ZNF37A: variants seen among roughly 807,000 people sequenced by gnomAD.
ZNF37A encodes the protein zinc finger protein 37a (KOX 21).
Under a neutral mutation model 12.3 loss-of-function variants are expected in ZNF37A, and 10 were observed. The ratio of observed to expected loss-of-function variants is 0.82; its 90% confidence interval spans 0.50 to 1.38. ZNF37A has a LOEUF of 1.38. Ranked by LOEUF, ZNF37A falls within the 40% of genes most tolerant of loss-of-function variation. The probability of loss-of-function intolerance (pLI) is 0.00; values close to 1 mark genes in which losing one functional copy is unlikely to be tolerated. For missense variants in ZNF37A, 580 were observed against 651.2 expected, an observed-to-expected ratio of 0.89 and a Z score of 1.19; for synonymous variants, 207 against 223.0, an observed-to-expected ratio of 0.93 and a Z score of 0.64.
At chr10:38,109,479 A>G (rs1177717436) in intron 5 of ZNF37A, among the ~76,000 whole-genome samples, 1 of 152,190 alleles carries the variant, frequency 6.6e-6, no homozygotes, top group African/African-American at 2.4e-5. Flanking sequence ...TAGTATTGGA[A>G]GTTCTGGCCA....
downstream of ZNF37A, among the ~76,000 whole-genome samples, chr10:38,129,641 A>G (rs2069991102): frequency 6.6e-6 from 1 of 152,208 alleles, no homozygotes; most frequent in Admixed American, 6.5e-5. Flanking sequence ...AAAGAACTGT[A>G]GCTTCAAAAC....
chr10:38,145,998 G>T (rs1309425771), intron 7 of ZNF37A, among the ~76,000 whole-genome samples: 2 of 152,176 alleles, frequency 1.3e-5, no homozygotes, highest in East Asian at 3.9e-4. Flanking sequence ...TACTCAGGAG[G>T]CTGAGGCAGG....
chr10:38,114,978 G>A, intron 6 of ZNF37A, 97 bp downstream of exon 6: 1 of 1,459,898 alleles, frequency 6.8e-7, no homozygotes, highest in South Asian at 1.4e-5. Context: ...ATAATATTTA[G>A]GTTTGAGATT....
At position 38,114,790 on chromosome 10, in the gene ZNF37A, C is replaced by T. The variant is rs149074366; in HGVS notation, c.51C>T (p.Phe17=). ...CGTTTAGGGATGTGACTGTGGGCTTCACTCAAGAGGAGTGGCAGCATCTGG... is the reference window on the plus strand; with the variant it reads ...CGTTTAGGGATGTGACTGTGGGCTTTACTCAAGAGGAGTGGCAGCATCTGG... ...SVSFRDVTVG[F]TQEEWQHLDP... The change falls in exon 6 of 8, where the codon TTC becomes TTT. Residue 17 remains phenylalanine (F), a synonymous_variant. Coordinates refer to ENST00000685332, the MANE Select transcript of ZNF37A (RefSeq NM_001324250.3). The T allele has an allele frequency of 2.5e-6, 4 of 1,613,870 alleles. No homozygotes were observed. Among genetic ancestry groups the T allele is most frequent in the Non-Finnish European group, 3.4e-6 (4 of 1,180,000 alleles).
intron 7 of ZNF37A, among the ~76,000 whole-genome samples, chr10:38,145,657 G>T (rs2070243436): frequency 6.6e-6 from 1 of 152,178 alleles, no homozygotes; most frequent in South Asian, 2.1e-4. Flanking sequence ...CAATGGATGT[G>T]CCTATACAGT....
chr10:38,106,068 TA>T (rs2135930455), intron 5 of ZNF37A, among the ~76,000 whole-genome samples: 1 of 152,302 alleles, frequency 6.6e-6, no homozygotes, highest in South Asian at 2.1e-4. Flanking sequence ...TTCATGATCT[TA>T]GGGGGGGATC....
At chr10:38,102,125 A>G (rs539367112) in intron 5 of ZNF37A, among the ~76,000 whole-genome samples, 1 of 152,194 alleles carries the variant, frequency 6.6e-6, no homozygotes, top group Non-Finnish European at 1.5e-5. Context: ...TTGAGCCACC[A>G]TGCCCAGCCT....
At chr10:38,147,110 C>T (rs536575445) in exon 8 of ZNF37A, 1 of 187,624 alleles carries the variant, frequency 5.3e-6, no homozygotes, top group Non-Finnish European at 1.1e-5. Context: ...AGCAGTTTTC[C>T]GCTCTGGGAA....
At chr10:38,128,807 G>A (rs542448082), downstream of ZNF37A, among the ~76,000 whole-genome samples, 1 of 152,262 alleles carries the variant, frequency 6.6e-6, no homozygotes, top group East Asian at 1.9e-4. Flanking sequence ...AGGCTGGAGT[G>A]CAGTGGCATG....
downstream of ZNF37A, chr10:38,125,656 A>G (rs926087864): frequency 6.6e-6 from 1 of 152,232 alleles, no homozygotes; most frequent in Non-Finnish European, 1.5e-5. Flanking sequence ...TATTCTTAAT[A>G]TGGGCCAAAT....
downstream of ZNF37A, among the ~76,000 whole-genome samples, chr10:38,128,969 G>A (rs1375328477): frequency 2.0e-5 from 3 of 152,060 alleles, no homozygotes; most frequent in East Asian, 5.8e-4. Context: ...GGCCAGGCTG[G>A]TCTCGAACTC....
In ZNF37A at chr10:38,115,288, T is replaced by G; in HGVS notation, c.236T>G (p.Leu79Arg). 1 of 1,613,348 alleles carries G rather than the reference T, an allele frequency of 6.2e-7. No homozygotes were observed. Among genetic ancestry groups the G allele is most frequent in the Non-Finnish European group, 8.5e-7 (1 of 1,179,672 alleles). Reference protein sequence around the residue: ...LEEKFPSQSHLELINTSRNYS... With the variant: ...LEEKFPSQSHRELINTSRNYS... ...GAAAAATTTCCAAGCCAGAGTCATC[T>G]GGGTGAGTTAGTATGTGCCAGATGG... is the stretch of plus-strand genomic sequence containing the variant. Residue 79 changes from leucine (L) to arginine (R), a missense_variant and splice_region_variant, in exon 7 of 8, where the codon CTG becomes CGG. Physicochemically the swap from Leu to Arg is moderately radical, Grantham distance 102. Transcript: ENST00000685332.
intron 5 of ZNF37A, among the ~76,000 whole-genome samples, chr10:38,112,738 TTC>T (rs2068837916): frequency 8.5e-5 from 5 of 58,910 alleles, no homozygotes; most frequent in African/African-American, 3.1e-4. Flanking sequence ...CCATTTTCTT[TTC>T]TTTTCTTTTC....
chr10:38,103,964 C>T (rs1289636568), intron 5 of ZNF37A, among the ~76,000 whole-genome samples: 1 of 152,188 alleles, frequency 6.6e-6, no homozygotes, highest in Non-Finnish European at 1.5e-5. Context: ...TTCCTGCTTA[C>T]ACAGAGCGTG....
chr10:38,110,248 C>T (rs78288099), intron 5 of ZNF37A, among the ~76,000 whole-genome samples: 73,345 of 151,936 alleles, frequency 0.48, 17,875 homozygotes, highest in East Asian at 0.55. Flanking sequence ...GGAGTCCCTA[C>T]TTAATAAATG....
chr10:38,118,689 A>T lies in ZNF37A; in HGVS notation c.1538A>T (p.His513Leu). 2 of 1,613,960 alleles carry T rather than the reference A, an allele frequency of 1.2e-6. No individual in the cohort carries two copies. The highest frequency in any genetic ancestry group is 1.1e-5 in the South Asian group (1 of 91,086). ...SFCVKSKLIA[H>L]HRTHTGEKPY... is the part of the protein sequence containing the mutation. ...TGTGTGAAGTCAAAACTCATTGCAC[A>T]TCATAGAACACACACAGGGGAGAAA... The change falls in exon 8 of 8, where the codon CAT (histidine) becomes CTT (leucine). Residue 513 changes from histidine (H) to leucine (L), a missense_variant. Transcript: ENST00000685332.
downstream of ZNF37A, among the ~76,000 whole-genome samples, chr10:38,130,111 T>C (rs2070000560): frequency 6.6e-6 from 1 of 152,216 alleles, no homozygotes; most frequent in Non-Finnish European, 1.5e-5. Flanking sequence ...AGGTACGGCA[T>C]GTAGGGAGAA....
intron 7 of ZNF37A, among the ~76,000 whole-genome samples, chr10:38,130,647 C>T (rs1459203104): frequency 2.0e-5 from 3 of 150,260 alleles, no homozygotes; most frequent in African/African-American, 7.3e-5. Context: ...TTTTTTTTTT[C>T]GAAGTACAGA....
chr10:38,115,197 T>C lies in ZNF37A; in HGVS notation c.145T>C (p.Tyr49His), dbSNP rs538614459. The C allele has an allele frequency of 2.5e-6, 4 of 1,612,832 alleles. No individual in the cohort carries two copies. The highest frequency in any genetic ancestry group is 2.5e-6 in the Non-Finnish European group (3 of 1,179,566). Reference sequence around the variant, plus strand: ...AGTAATACAATTCTCATTCACAGGGTATTGCATTCCTAAACCAGAAGTGAT... The same window carrying C: ...AGTAATACAATTCTCATTCACAGGGCATTGCATTCCTAAACCAGAAGTGAT... ...ENYSHLVSVG[Y>H]CIPKPEVILK... is the part of the protein sequence containing the mutation. Residue 49 changes from tyrosine (Y) to histidine (H), a missense_variant and splice_region_variant, in exon 7 of 8, where the codon TAT (tyrosine) becomes CAT (histidine). Transcript: ENST00000685332.
Sources: allele counts gnomAD v4.1 joint callset (sites outside exome capture counted in the v4.1 genomes callset), GRCh38; gene constraint gnomAD v4.1.1; transcripts MANE v1.5; gene names NCBI Gene and HGNC (gene_info 2026-07-23, HGNC 2026-07-21).